The following ZMIZ1 variants were observed in gnomAD, a reference collection of about 807,000 sequenced individuals.
ZMIZ1 encodes zinc finger MIZ-type containing 1.
Under a neutral mutation model 113.9 loss-of-function variants are expected in ZMIZ1, and 17 were observed. That is an observed-to-expected ratio of 0.15 (90% CI 0.10 to 0.22). The LOEUF is 0.22. ZMIZ1 is among the 10% of genes least tolerant of loss of function. The pLI, the probability that ZMIZ1 is intolerant of heterozygous loss-of-function variation, is 1.00. For missense variants in ZMIZ1, 1,059 were observed against 1,477.8 expected (o/e 0.72, Z 4.65); for synonymous variants, 607 against 603.1 (o/e 1.01, Z -0.09).
intron 7 of ZMIZ1, among the ~76,000 whole-genome samples, chr10:79,223,108 C>T (rs1197633082): frequency 6.6e-6 from 1 of 152,230 alleles, no homozygotes; most frequent in Non-Finnish European, 1.5e-5. Flanking sequence ...TGCCTCTGCC[C>T]ACCCCAGAAC....
intron 6 of ZMIZ1, among the ~76,000 whole-genome samples, chr10:79,210,462 A>T (rs1490847574): frequency 6.6e-6 from 1 of 152,230 alleles, no homozygotes; most frequent in East Asian, 1.9e-4. Flanking sequence ...CCCACAAAGG[A>T]GCAAACAGGG....
chr10:79,157,580 G>A (rs1047936911), intron 3 of ZMIZ1, among the ~76,000 whole-genome samples: 1 of 152,086 alleles, frequency 6.6e-6, no homozygotes, highest in African/African-American at 2.4e-5. Context: ...CCTCTGGTGG[G>A]TGCATGGCTG....
intron 1 of ZMIZ1, among the ~76,000 whole-genome samples, chr10:79,082,025 C>T (rs372761380): frequency 5.3e-5 from 8 of 152,268 alleles, no homozygotes; most frequent in African/African-American, 1.9e-4. Context: ...GGTGTTCCCA[C>T]CATCTAGCCA....
intron 7 of ZMIZ1, among the ~76,000 whole-genome samples, chr10:79,245,556 C>A (rs1850141641): frequency 6.6e-6 from 1 of 152,156 alleles, no homozygotes; most frequent in Non-Finnish European, 1.5e-5. Flanking sequence ...AAGAGCACTT[C>A]CAGATCTCAG....
chr10:79,122,210 C>T (rs1382227953), intron 2 of ZMIZ1, among the ~76,000 whole-genome samples: 2 of 152,126 alleles, frequency 1.3e-5, no homozygotes, highest in African/African-American at 2.4e-5. Flanking sequence ...TCCTCATCTC[C>T]ATAAGCCTCA....
intron 7 of ZMIZ1, among the ~76,000 whole-genome samples, chr10:79,252,049 T>G (rs746673479): frequency 4.6e-5 from 7 of 152,244 alleles, no homozygotes; most frequent in African/African-American, 7.2e-5. Flanking sequence ...AGGCTCTGGC[T>G]TCTTCTGTCC....
chr10:79,231,847 G>C (rs550591661), intron 7 of ZMIZ1, among the ~76,000 whole-genome samples: 1 of 152,220 alleles, frequency 6.6e-6, no homozygotes, highest in East Asian at 1.9e-4. Flanking sequence ...CAAAGTGCTG[G>C]GATTACAGGC....
At chr10:79,212,149 T>C (rs1319060986) in intron 6 of ZMIZ1, among the ~76,000 whole-genome samples, 1 of 151,886 alleles carries the variant, frequency 6.6e-6, no homozygotes, top group Non-Finnish European at 1.5e-5. Flanking sequence ...TCTTCTTCTT[T>C]TTTTTTTTAA....
chr10:79,206,613 A>G (rs543085583), intron 5 of ZMIZ1, among the ~76,000 whole-genome samples: 1 of 152,234 alleles, frequency 6.6e-6, no homozygotes, highest in African/African-American at 2.4e-5. Flanking sequence ...ATTCAAATGC[A>G]GGGAGCACTG....
chr10:79,129,054 C>T (rs1303385115), intron 2 of ZMIZ1, among the ~76,000 whole-genome samples: 1 of 152,168 alleles, frequency 6.6e-6, no homozygotes, highest in Non-Finnish European at 1.5e-5. Context: ...TAAGAATAGT[C>T]TAGCAGTTGG....
chr10:79,103,970 T>A (rs1052853010), intron 1 of ZMIZ1, among the ~76,000 whole-genome samples: 1 of 152,218 alleles, frequency 6.6e-6, no homozygotes, highest in African/African-American at 2.4e-5. Flanking sequence ...ACCAACCTTG[T>A]TCCCAGCTGG....
At chr10:79,085,185 T>C (rs1842768989) in intron 1 of ZMIZ1, among the ~76,000 whole-genome samples, 1 of 152,170 alleles carries the variant, frequency 6.6e-6, no homozygotes, top group Admixed American at 6.5e-5. Flanking sequence ...CTCTCTCCAC[T>C]TCATTGCTCA....
At chr10:79,200,395 G>A (rs1848024919) in intron 4 of ZMIZ1, among the ~76,000 whole-genome samples, 1 of 152,218 alleles carries the variant, frequency 6.6e-6, no homozygotes, top group African/African-American at 2.4e-5. Context: ...CCCTGGAGCG[G>A]CCTGGGGACT....
At chr10:79,130,082 C>G (rs1844689714) in intron 2 of ZMIZ1, among the ~76,000 whole-genome samples, 1 of 152,172 alleles carries the variant, frequency 6.6e-6, no homozygotes, top group Admixed American at 6.5e-5. Flanking sequence ...TCCCTGACCC[C>G]CACATCCAAC....
At chr10:79,182,900 G>C (rs1023818384) in intron 4 of ZMIZ1, among the ~76,000 whole-genome samples, 5 of 152,258 alleles carry the variant, frequency 3.3e-5, no homozygotes, top group Admixed American at 3.3e-4. Context: ...CCTCGGGTCT[G>C]TAGGTGTTTC....
chr10:79,110,244 G>T (rs1843689708), intron 1 of ZMIZ1, among the ~76,000 whole-genome samples: 1 of 152,222 alleles, frequency 6.6e-6, no homozygotes, highest in Non-Finnish European at 1.5e-5. Context: ...GAATTCAGGA[G>T]AAATGAGTGT....
At chr10:79,094,882 G>A (rs946105952) in intron 1 of ZMIZ1, among the ~76,000 whole-genome samples, 2 of 152,048 alleles carry the variant, frequency 1.3e-5, no homozygotes, top group Non-Finnish European at 2.9e-5. Flanking sequence ...CCAGGAGGTC[G>A]AGGCTGTAGT....
chr10:79,193,929 G>T (rs1847719405), intron 4 of ZMIZ1, among the ~76,000 whole-genome samples: 2 of 152,226 alleles, frequency 1.3e-5, no homozygotes, highest in South Asian at 4.1e-4. Context: ...ATGCTGACAT[G>T]TGCAGGTTGG....
In ZMIZ1 at chr10:79,207,444, C is replaced by T. The variant is rs113213268; in HGVS notation, c.61-892C>T. Among the ~76,000 whole-genome samples, 6 of 152,344 alleles carry T rather than the reference C, an allele frequency of 3.9e-5. No individual in the cohort carries two copies. The South Asian group carries it at 1.2e-3, about 32-fold the overall frequency. On this transcript the variant is annotated intron_variant, in intron 5 of 24. Transcript: ENST00000334512. ...TTTGTCTCCTGGACTCAGTACCCAA[C>T]TCAGAGGGCCTGAGGAGACGGATAA...
Sources: gnomAD v4.1 joint callset for allele counts (sites outside exome capture counted in the v4.1 genomes callset) on GRCh38, gnomAD v4.1.1 for gene constraint, MANE v1.5 for transcripts, NCBI Gene and HGNC (gene_info 2026-07-23, HGNC 2026-07-21) for gene names.